The following SDK1 variants were observed in gnomAD, a reference collection of about 807,000 sequenced individuals.
SDK1 encodes the protein protein sidekick-1.
Under a neutral mutation model 245.5 loss-of-function variants are expected in SDK1, and 157 were observed. The ratio of observed to expected loss-of-function variants is 0.64; its 90% confidence interval spans 0.56 to 0.73. The LOEUF is 0.73. Ranked by LOEUF, SDK1 falls within the 30% of genes least tolerant of loss-of-function variation. The pLI is 0.00. For synonymous variants in SDK1, 1,647 were observed against 1,278.5 expected (o/e 1.29, Z -6.15); for missense variants, 3,583 against 3,002.3 (o/e 1.19, Z -4.52).
At chr7:3,482,121 A>G (rs1461828023) in intron 1 of SDK1, among the ~76,000 whole-genome samples, 1 of 152,260 alleles carries the variant, frequency 6.6e-6, no homozygotes, top group Non-Finnish European at 1.5e-5. Context: ...CTATAGGAAT[A>G]AAATAGGGTA....
rs1782363087 is a variant in SDK1 at position 3,633,485 on chromosome 7, A to G, written c.459-5519A>G. On this transcript the variant is annotated intron_variant, in intron 2 of 44. Transcript: ENST00000404826. ...TTTGTTAGATGTTTTCTAAAATTTT[A>G]GTGGCTCATACTCAAGAGAACTTCT... Among the ~76,000 whole-genome samples, 4 of 152,128 alleles carry G rather than the reference A, an allele frequency of 2.6e-5. No individual in the cohort carries two copies. In the South Asian group the frequency reaches 8.3e-4, roughly 31 times the overall value.
intron 2 of SDK1, among the ~76,000 whole-genome samples, chr7:3,633,913 C>A (rs944415124): frequency 3.9e-5 from 6 of 152,094 alleles, no homozygotes; most frequent in South Asian, 2.1e-4. Flanking sequence ...TACTGGCCAT[C>A]ACTGCTTGAG....
intron 13 of SDK1, among the ~76,000 whole-genome samples, chr7:3,983,530 A>G (rs1261376750): frequency 1.3e-5 from 2 of 152,218 alleles, no homozygotes; most frequent in South Asian, 2.1e-4. Context: ...ACATAATGCT[A>G]TTGCACACTT....
At chr7:4,017,729 C>T (rs1259414265) in intron 17 of SDK1, among the ~76,000 whole-genome samples, 2 of 152,082 alleles carry the variant, frequency 1.3e-5, no homozygotes, top group East Asian at 3.9e-4. Context: ...TCAAAGAGCA[C>T]GATGATTATT....
chr7:3,779,561 A>T (rs1169052465), intron 4 of SDK1, among the ~76,000 whole-genome samples: 1 of 152,160 alleles, frequency 6.6e-6, no homozygotes, highest in African/African-American at 2.4e-5. Flanking sequence ...GACGATCTTT[A>T]TATTGCTTCT....
chr7:3,780,851 C>T (rs966094545), intron 4 of SDK1, among the ~76,000 whole-genome samples: 1 of 152,038 alleles, frequency 6.6e-6, no homozygotes, highest in Non-Finnish European at 1.5e-5. Context: ...ATGACCCCAC[C>T]CTAGCCAGGA....
chr7:3,742,712 A>G (rs1004915323), intron 4 of SDK1, among the ~76,000 whole-genome samples: 1 of 149,944 alleles, frequency 6.7e-6, no homozygotes, highest in African/African-American at 2.5e-5. Context: ...AAAATTATAT[A>G]CTTTTTATTC....
intron 35 of SDK1, among the ~76,000 whole-genome samples, chr7:4,188,900 A>G (rs1783036397): frequency 6.6e-6 from 1 of 152,208 alleles, no homozygotes; most frequent in Admixed American, 6.5e-5. Flanking sequence ...TTCGTTCCAC[A>G]GACATCTTTA....
Position 3,644,781 on chromosome 7 carries a change from AAAAAAAAAAAAC to A in SDK1, c.713+2683_713+2694del, listed in dbSNP as rs1311905007. Among the ~76,000 whole-genome samples the A allele has an allele frequency of 1.5e-3, 217 of 141,384 alleles. 6 individuals are homozygous for A. Among genetic ancestry groups the A allele is most frequent in the African/African-American group, 5.3e-3 (207 of 39,270 alleles). 92.8% of individuals were successfully genotyped at this position (141,384 alleles called of 152,430 possible). ...GAGCAAGACCCTGTCTCCAAAAAAA[AAAAAAAAAAAAC>A]AAAAAACAACAACAACGGCGGGGCA... is the stretch of plus-strand genomic sequence containing the variant. On this transcript the variant is annotated intron_variant, in intron 4 of 44. Coordinates refer to ENST00000404826, the MANE Select transcript of SDK1 (RefSeq NM_152744.4).
intron 30 of SDK1, among the ~76,000 whole-genome samples, chr7:4,155,073 C>G (rs377313656): frequency 6.6e-6 from 1 of 151,750 alleles, no homozygotes; most frequent in African/African-American, 2.4e-5. Context: ...AGGATGCTAC[C>G]GTCTCTAGTA....
Position 3,613,627 on chromosome 7 carries a change from A to G in SDK1, c.299-5453A>G, listed in dbSNP as rs535082900. 2.2e-4 allele frequency among the ~76,000 whole-genome samples: 33 copies of G among 152,318 alleles called. No individual in the cohort carries two copies. The South Asian group carries it at 6.8e-3, about 32-fold the overall frequency. ...GACAGAAATACCGTTTGACCCAGCAATTACATCACTGGGTATACACCCAGA... is the reference window on the plus strand; with the variant it reads ...GACAGAAATACCGTTTGACCCAGCAGTTACATCACTGGGTATACACCCAGA... On this transcript the variant is annotated intron_variant, in intron 1 of 44. Transcript: ENST00000404826.
intron 1 of SDK1, among the ~76,000 whole-genome samples, chr7:3,593,040 GAAATCAGT>G (rs962243927): frequency 2.0e-5 from 3 of 152,192 alleles, no homozygotes; most frequent in Non-Finnish European, 4.4e-5. Flanking sequence ...GTTGCAAGTG[GAAATCAGT>G]GGAGATGCAG....
chr7:3,673,063 T>G (rs1175368944), intron 4 of SDK1, among the ~76,000 whole-genome samples: 1 of 152,120 alleles, frequency 6.6e-6, no homozygotes, highest in Non-Finnish European at 1.5e-5. Context: ...AATAAATACT[T>G]AAAGTATGAA....
At chr7:3,526,374 T>C (rs1323868098) in intron 1 of SDK1, among the ~76,000 whole-genome samples, 5 of 152,246 alleles carry the variant, frequency 3.3e-5, no homozygotes, top group Admixed American at 1.3e-4. Flanking sequence ...ATATTGGAGA[T>C]AATTTTTGAA....
chr7:3,418,145 G>GAAAA lies in SDK1; in HGVS notation c.298+116281_298+116284dup, dbSNP rs200914826. ...GTGAAACCCGATCTCTACTAAAAAT[G>GAAAA]AAAAAAAAAAAAAAAAAAAAAAATA... On this transcript the variant is annotated intron_variant, in intron 1 of 44. Coordinates refer to ENST00000404826, the MANE Select transcript of SDK1 (RefSeq NM_152744.4). Among the ~76,000 whole-genome samples the GAAAA allele has an allele frequency of 3.1e-3, 373 of 119,682 alleles. 15 individuals carry two copies. Among genetic ancestry groups the GAAAA allele is most frequent in the East Asian group, 0.017 (73 of 4,188 alleles). The allele number at this position is 119,682 out of a possible 152,430, so 78.5% of individuals were successfully genotyped here.
chr7:3,466,691 T>C (rs1781012047), intron 1 of SDK1, among the ~76,000 whole-genome samples: 1 of 151,792 alleles, frequency 6.6e-6, no homozygotes, highest in South Asian at 2.1e-4. Context: ...CCTTCTTTTG[T>C]AGCATTTGCT....
intron 1 of SDK1, among the ~76,000 whole-genome samples, chr7:3,569,334 C>A (rs1780033429): frequency 1.3e-5 from 2 of 152,206 alleles, no homozygotes; most frequent in African/African-American, 4.8e-5. Context: ...GAGTGATCTG[C>A]TCTCTAGCAA....
At chr7:3,521,223 A>G (rs1782926322) in intron 1 of SDK1, among the ~76,000 whole-genome samples, 1 of 152,180 alleles carries the variant, frequency 6.6e-6, no homozygotes, top group Non-Finnish European at 1.5e-5. Context: ...ATTCAAGGGA[A>G]TCTTTTACTT....
chr7:3,873,960 T>A (rs1336787124), intron 5 of SDK1, among the ~76,000 whole-genome samples: 1 of 152,256 alleles, frequency 6.6e-6, no homozygotes, highest in Non-Finnish European at 1.5e-5. Context: ...ATCATTGTTT[T>A]GTCTCTTTGT....
Sources: allele counts gnomAD v4.1 joint callset (sites outside exome capture counted in the v4.1 genomes callset), GRCh38; gene constraint gnomAD v4.1.1; transcripts MANE v1.5; gene names NCBI Gene and HGNC (gene_info 2026-07-23, HGNC 2026-07-21).